Variants in SNRNP70 observed in about 807,000 individuals in gnomAD.
SNRNP70 encodes the protein small nuclear ribonucleoprotein U1 subunit 70.
SNRNP70 carries 8 observed loss-of-function variants against 50.5 expected under a neutral mutation model. The observed-to-expected ratio is 0.16, with a 90% CI of 0.09 to 0.29. The LOEUF is 0.29. Ranked by LOEUF, SNRNP70 falls within the 10% of genes least tolerant of loss-of-function variation. The pLI is 1.00. For synonymous variants in SNRNP70, 320 were observed against 252.9 expected (o/e 1.27, Z -2.52); for missense variants, 529 against 663.5 (o/e 0.80, Z 2.23).
chr19:49,085,976 T>C (rs749577741), intron 1 of SNRNP70, among the ~76,000 whole-genome samples: 99 of 152,246 alleles, frequency 6.5e-4, no homozygotes, highest in Admixed American at 1.5e-3. Flanking sequence ...TCGCTCCTTA[T>C]GTTTCTCTTT....
In SNRNP70 at chr19:49,107,701, C is replaced by T. The variant is rs751420976; in HGVS notation, c.654C>T (p.Arg218=). The change falls in exon 9 of 10, where the codon CGC becomes CGT. Residue 218 remains arginine, a synonymous_variant. Transcript: ENST00000598441. The surrounding 1 kb of genome is among the most constrained non-coding windows in gnomAD (Gnocchi z 6.0). ...ATTCAGGCCGCGATGACACCTCCCG[C>T]TACGATGAGAGGTAAGATTGGGCGA... ...IRHSGRDDTS[R]YDERPGPSPL... The T allele has an allele frequency of 1.2e-6, 2 of 1,614,004 alleles. No individual in the cohort carries two copies. Among genetic ancestry groups the T allele is most frequent in the South Asian group, 1.1e-5 (1 of 91,078 alleles).
chr19:49,086,021 C>T (rs980418429), intron 1 of SNRNP70, among the ~76,000 whole-genome samples: 1 of 152,216 alleles, frequency 6.6e-6, no homozygotes, highest in Non-Finnish European at 1.5e-5. Context: ...CAGGACCCTG[C>T]AAACTGCATC....
intron 4 of SNRNP70, among the ~76,000 whole-genome samples, chr19:49,093,243 C>A (rs2040470410): frequency 6.6e-6 from 1 of 152,004 alleles, no homozygotes; most frequent in South Asian, 2.1e-4. Context: ...GCATGCACCA[C>A]CATGCCTGGC....
At chr19:49,095,050 G>A (rs925236849) in intron 4 of SNRNP70, among the ~76,000 whole-genome samples, 1 of 152,254 alleles carries the variant, frequency 6.6e-6, no homozygotes, top group South Asian at 2.1e-4. Flanking sequence ...GCTGTGGGGC[G>A]CTGCCCGGCA....
intron 4 of SNRNP70, among the ~76,000 whole-genome samples, chr19:49,097,130 A>T (rs1259591035): frequency 2.1e-5 from 3 of 141,326 alleles, no homozygotes; most frequent in East Asian, 2.0e-4. Context: ...GACTCTGTTT[A>T]AAAAAAAAAA....
chr19:49,100,532 C>T (rs773698047), intron 6 of SNRNP70, among the ~76,000 whole-genome samples: 1 of 152,212 alleles, frequency 6.6e-6, no homozygotes, highest in Non-Finnish European at 1.5e-5. Flanking sequence ...CTTGGCCAGG[C>T]ACAGTGGCTC....
At chr19:49,087,210 A>G (rs2040393177) in intron 2 of SNRNP70, among the ~76,000 whole-genome samples, 1 of 149,920 alleles carries the variant, frequency 6.7e-6, no homozygotes, top group African/African-American at 2.5e-5. Flanking sequence ...TGGGGTTGAT[A>G]GTACACCTTT....
intron 6 of SNRNP70, among the ~76,000 whole-genome samples, chr19:49,100,586 C>G (rs1244808001): frequency 1.3e-5 from 2 of 152,132 alleles, no homozygotes; most frequent in African/African-American, 2.4e-5. Flanking sequence ...AAGGGCAGAT[C>G]ATGAGGTCAG....
rs893413582 is a variant in SNRNP70 at position 49,104,831 on chromosome 19, C to T, written c.577+96C>T. 5 of 719,256 alleles carry T rather than the reference C, an allele frequency of 7.0e-6. No individual in the cohort carries two copies. The highest frequency in any genetic ancestry group is 5.4e-5 in the African/African-American group (3 of 55,354). 44.6% of individuals were successfully genotyped at this position (719,256 alleles called of 1,614,324 possible). ...TGCTTTCTGCTTCTCTGTCTCCTGC[C>T]GGCCCACCTCTCCCATCGCGTCCTC... On this transcript the variant is annotated intron_variant, in intron 8 of 9. Coordinates refer to ENST00000598441, the MANE Select transcript of SNRNP70 (RefSeq NM_003089.6). This position sits in a 1 kb window ranked among gnomAD's most constrained non-coding sequence, Gnocchi z 5.4.
At position 49,086,071 on chromosome 19, in the gene SNRNP70, G is replaced by C. The variant is rs910650690; in HGVS notation, c.-10-334G>C. Among the ~76,000 whole-genome samples the C allele has an allele frequency of 2.0e-5, 3 of 152,152 alleles. No homozygotes were observed. In the East Asian group the frequency reaches 5.8e-4, roughly 29 times the overall value. On this transcript the variant is annotated intron_variant, in intron 1 of 9. Coordinates refer to ENST00000598441, the MANE Select transcript of SNRNP70 (RefSeq NM_003089.6). ...CCACGGCACGGGACGAGCAGCCACA[G>C]CTGCTCTGGGCCTCCCTCCTCGGGT...
chr19:49,101,720 CAG>C (rs1450174192), intron 7 of SNRNP70: 3 of 513,474 alleles, frequency 5.8e-6, no homozygotes, highest in Non-Finnish European at 7.1e-6. Context: ...CGTTGAACCT[CAG>C]GGGCAAAGAG....
chr19:49,098,444 C>G lies in SNRNP70; in HGVS notation c.283C>G (p.Pro95Ala), dbSNP rs1418255455. The change falls in exon 5 of 10, where the codon CCC (proline) becomes GCC (alanine). Residue 95 changes from proline (P) to alanine (A), a missense_variant. Pro to Ala is a conservative substitution (Grantham distance 27, BLOSUM62 -1). Coordinates refer to ENST00000598441, the MANE Select transcript of SNRNP70 (RefSeq NM_003089.6). ...ELKMWDPHND[P>A]NAQGDAFKTL... is the part of the protein sequence containing the mutation. Reference sequence around the variant, plus strand: ...CTGCACAGGGGACCCTCACAATGATCCCAATGCTCAGGGGGATGCCTTCAA... The same window carrying G: ...CTGCACAGGGGACCCTCACAATGATGCCAATGCTCAGGGGGATGCCTTCAA... 3 of 1,613,428 alleles carry G rather than the reference C, an allele frequency of 1.9e-6. No homozygotes were observed. Among genetic ancestry groups the G allele is most frequent in the Non-Finnish European group, 2.5e-6 (3 of 1,179,688 alleles).
intron 2 of SNRNP70, 69 bp downstream of exon 2, chr19:49,086,630 G>A: frequency 6.9e-7 from 1 of 1,452,592 alleles, no homozygotes. Context: ...TGCGAGTCCA[G>A]CTTCTGGCCA....
intron 7 of SNRNP70, chr19:49,103,411 T>G (rs2040617369): frequency 6.6e-6 from 1 of 152,566 alleles, no homozygotes; most frequent in Non-Finnish European, 1.5e-5. Flanking sequence ...CCCTGTAGCT[T>G]TAGCTGACCC....
chr19:49,105,723 C>CT (rs1286735112), intron 8 of SNRNP70, among the ~76,000 whole-genome samples: 2 of 149,274 alleles, frequency 1.3e-5, no homozygotes, highest in Non-Finnish European at 3.0e-5. Context: ...GAGCAAGACT[C>CT]TGTCTCAAAA....
intron 7 of SNRNP70, chr19:49,102,469 C>T: frequency 3.8e-6 from 1 of 266,518 alleles, no homozygotes; most frequent in South Asian, 3.6e-5. Flanking sequence ...TTCGTGATGT[C>T]AGCGGCGAGG....
At chr19:49,090,842 C>T (rs1488366673) in intron 4 of SNRNP70, among the ~76,000 whole-genome samples, 2 of 152,134 alleles carry the variant, frequency 1.3e-5, no homozygotes, top group Non-Finnish European at 2.9e-5. Flanking sequence ...GTGGTCTGTC[C>T]TGGCTCTAAC....
chr19:49,092,403 G>T (rs955321607), intron 4 of SNRNP70, among the ~76,000 whole-genome samples: 1 of 150,298 alleles, frequency 6.7e-6, no homozygotes, highest in Non-Finnish European at 1.5e-5. Context: ...CACCGTGCCT[G>T]GTCACCCCCC....
At chr19:49,098,522 C>T (rs1183184965) in intron 5 of SNRNP70, 31 bp downstream of exon 5, 1 of 1,607,456 alleles carries the variant, frequency 6.2e-7, no homozygotes, top group Admixed American at 1.7e-5. Flanking sequence ...TCCTGGAACC[C>T]CACGCTGCTG....
Sources: gnomAD v4.1 joint callset for allele counts (sites outside exome capture counted in the v4.1 genomes callset) on GRCh38, gnomAD v4.1.1 for gene constraint, Gnocchi (gnomAD v3.1) non-coding constraint, MANE v1.5 for transcripts, NCBI Gene and HGNC (gene_info 2026-07-23, HGNC 2026-07-21) for gene names.